Variants in HMCN1 observed in about 807,000 individuals in gnomAD.
HMCN1 encodes hemicentin-1.
HMCN1 carries 321 observed loss-of-function variants against 625.9 expected under a neutral mutation model. The ratio of observed to expected loss-of-function variants is 0.51; its 90% CI spans 0.47 to 0.56. The LOEUF is 0.56. Among genes scored for constraint, HMCN1 ranks in the 20% least tolerant of loss-of-function variants. The pLI is 0.00. For synonymous variants in HMCN1, 2,425 were observed against 2,417.6 expected (o/e 1.00, Z -0.09); for missense variants, 6,588 against 6,887.3 (o/e 0.96, Z 1.54).
At chr1:186,120,537 A>G (rs1206047504) in intron 80 of HMCN1, among the ~76,000 whole-genome samples, 1 of 152,238 alleles carries the variant, frequency 6.6e-6, no homozygotes, top group Non-Finnish European at 1.5e-5. Context: ...AACTTGATGG[A>G]AAAAATTATT....
chr1:186,066,711 T>A (rs1018827831), intron 49 of HMCN1, among the ~76,000 whole-genome samples: 6 of 152,166 alleles, frequency 3.9e-5, no homozygotes, highest in African/African-American at 1.2e-4. Context: ...TGATCTCTTT[T>A]TTCCTTCACA....
intron 48 of HMCN1, among the ~76,000 whole-genome samples, chr1:186,064,364 TTAATA>T (rs1274920480): frequency 1.3e-5 from 2 of 152,094 alleles, no homozygotes; most frequent in Non-Finnish European, 2.9e-5. Flanking sequence ...TAAAGAATAA[TTAATA>T]TATTTTTATC....
Position 186,055,388 on chromosome 1 carries a change from C to T in HMCN1, c.6863-5C>T, listed in dbSNP as rs1331193028. ...TGTTTCTTTTTATCTTCCTCCAACC[C>T]TCAGTTAGACCAACCATAACCAACA... On this transcript the variant is annotated splice_polypyrimidine_tract_variant and splice_region_variant and intron_variant, in intron 44 of 106. Transcript: ENST00000271588. The T allele has an allele frequency of 1.9e-6, 3 of 1,612,086 alleles. No individual in the cohort carries two copies. The highest frequency in any genetic ancestry group is 3.3e-4 in the Middle Eastern group (2 of 6,048).
At position 186,175,349 on chromosome 1, in the gene HMCN1, C is replaced by T. The variant is rs58611262; in HGVS notation, c.15943+707C>T. Among the ~76,000 whole-genome samples the T allele has an allele frequency of 1.0e-3, 154 of 152,288 alleles. 3 individuals carry two copies. In the East Asian group the frequency reaches 0.027, roughly 27 times the overall value. On this transcript the variant is annotated intron_variant, in intron 103 of 106. Coordinates refer to ENST00000271588, the MANE Select transcript of HMCN1 (RefSeq NM_031935.3). The stretch of plus-strand genomic sequence containing the variant: ...CTTTTAAATACTAGCTTCTGGGTTT[C>T]ACGCTATGCTTTTCAAATTGGTTGC...
intron 36 of HMCN1, among the ~76,000 whole-genome samples, chr1:186,024,170 C>G (rs931942006): frequency 6.6e-6 from 1 of 152,108 alleles, no homozygotes; most frequent in African/African-American, 2.4e-5. Flanking sequence ...GGTCTTTATT[C>G]TTTCACTGGA....
At chr1:186,006,655 C>G (rs1653653561) in intron 29 of HMCN1, among the ~76,000 whole-genome samples, 1 of 151,356 alleles carries the variant, frequency 6.6e-6, no homozygotes. Flanking sequence ...GTAAAAATAA[C>G]CATTCATGAT....
intron 11 of HMCN1, among the ~76,000 whole-genome samples, chr1:185,945,824 T>C (rs1668313028): frequency 6.6e-6 from 1 of 152,188 alleles, no homozygotes; most frequent in South Asian, 2.1e-4. Flanking sequence ...TCCAAACCCA[T>C]AATGATGTGA....
At position 185,999,997 on chromosome 1, in the gene HMCN1, T is replaced by C. The variant is rs781271045; in HGVS notation, c.3875-48T>C. ...CTTTGATATATTTGATATTTAATAA[T>C]TTCTGTTTTTGTTGTAAAATATCAC... On this transcript the variant is annotated intron_variant, in intron 25 of 106. Coordinates refer to ENST00000271588, the MANE Select transcript of HMCN1 (RefSeq NM_031935.3). 1.2e-5 allele frequency: 15 copies of C among 1,302,870 alleles called. No homozygotes were observed. In the South Asian group the frequency reaches 1.9e-4, roughly 16 times the overall value. 80.7% of individuals were successfully genotyped at this position (1,302,870 alleles called of 1,614,324 possible).
At chr1:186,147,569 G>A (rs1488923170) in intron 93 of HMCN1, among the ~76,000 whole-genome samples, 2 of 152,076 alleles carry the variant, frequency 1.3e-5, no homozygotes, top group Non-Finnish European at 2.9e-5. Context: ...GAATGCAATT[G>A]TATTTCTCTC....
intron 1 of HMCN1, among the ~76,000 whole-genome samples, chr1:185,790,628 T>C (rs1657924085): frequency 6.6e-6 from 1 of 152,196 alleles, no homozygotes; most frequent in Non-Finnish European, 1.5e-5. Context: ...TGGGGCCTTG[T>C]TGGCATTTTG....
At chr1:185,987,293 C>T in intron 19 of HMCN1, 139 bp from the exon 20 acceptor site, 1 of 696,400 alleles carries the variant, frequency 1.4e-6, no homozygotes, top group Non-Finnish European at 2.6e-6. Flanking sequence ...AGAGATTATC[C>T]TACATTTTTA....
intron 89 of HMCN1, among the ~76,000 whole-genome samples, chr1:186,143,352 T>C (rs1650091452): frequency 6.6e-6 from 1 of 152,214 alleles, no homozygotes; most frequent in Admixed American, 6.5e-5. Context: ...ATGAGCTCCA[T>C]ATCTAGCAAG....
intron 26 of HMCN1, among the ~76,000 whole-genome samples, chr1:186,000,693 A>G (rs766436017): frequency 6.6e-6 from 1 of 151,892 alleles, no homozygotes; most frequent in Non-Finnish European, 1.5e-5. Flanking sequence ...AGAACATTAT[A>G]TTCACATTTT....
intron 1 of HMCN1, among the ~76,000 whole-genome samples, chr1:185,775,453 A>G (rs1656532650): frequency 6.6e-6 from 1 of 152,220 alleles, no homozygotes; most frequent in East Asian, 1.9e-4. Context: ...CTCTTCAATT[A>G]AACAAATATA....
chr1:185,944,569 T>TA (rs1413513234), intron 11 of HMCN1, among the ~76,000 whole-genome samples: 1 of 152,200 alleles, frequency 6.6e-6, no homozygotes, highest in African/African-American at 2.4e-5. Flanking sequence ...CTACCACTCT[T>TA]ACTCCTCCTT....
chr1:185,755,281 A>G (rs1000370550), intron 1 of HMCN1, among the ~76,000 whole-genome samples: 1 of 152,130 alleles, frequency 6.6e-6, no homozygotes, highest in Admixed American at 6.6e-5. Context: ...TGGTATATTT[A>G]TACATTTTTG....
rs1650128704 is a variant in HMCN1 at position 186,144,045 on chromosome 1, T to C, written c.13925-128T>C. ...AAGATCATCATTTGTTATGTTTCAT[T>C]TGGTTCAGTTTCAATTCTCTTAGAT... On this transcript the variant is annotated intron_variant, in intron 89 of 106. Transcript: ENST00000271588. The C allele has an allele frequency of 6.6e-6, 5 of 756,540 alleles. No homozygotes were observed. The South Asian group carries it at 1.1e-4, about 17-fold the overall frequency. 46.9% of individuals were successfully genotyped at this position (756,540 alleles called of 1,614,324 possible).
chr1:185,859,107 T>G (rs1662705213), intron 2 of HMCN1, among the ~76,000 whole-genome samples: 1 of 148,050 alleles, frequency 6.8e-6, no homozygotes, highest in Non-Finnish European at 1.5e-5. Context: ...TGTGTATATA[T>G]ATAATCCTTG....
At chr1:185,790,358 T>C (rs1228451755) in intron 1 of HMCN1, among the ~76,000 whole-genome samples, 1 of 152,220 alleles carries the variant, frequency 6.6e-6, no homozygotes, top group East Asian at 1.9e-4. Context: ...TCATTTTTCT[T>C]CTCTTTTCCT....
Sources: gnomAD v4.1 joint callset for allele counts (sites outside exome capture counted in the v4.1 genomes callset) on GRCh38, gnomAD v4.1.1 for gene constraint, MANE v1.5 for transcripts, NCBI Gene and HGNC (gene_info 2026-07-23, HGNC 2026-07-21) for gene names.